NOTO: variants seen among roughly 807,000 people sequenced by gnomAD.
The protein encoded by NOTO is homeobox protein notochord.
In NOTO, 19 loss-of-function variants were observed where a neutral mutation model predicts 20.5. The observed-to-expected ratio is 0.93, with a 90% CI of 0.65 to 1.36. The LOEUF (loss-of-function observed/expected upper bound fraction) is 1.36, where lower values mean the gene tolerates loss of function less well. Ranked by LOEUF, NOTO falls within the 40% of genes most tolerant of loss-of-function variation. NOTO has a pLI of 0.00. For synonymous variants in NOTO, 150 were observed against 150.2 expected (o/e 1.00, Z 0.01); for missense variants, 369 against 336.2 (o/e 1.10, Z -0.76).
chr2:73,211,246 C>A lies in NOTO; in HGVS notation c.*317C>A. On this transcript the variant is annotated 3_prime_UTR_variant, in exon 3 of 3. Transcript: ENST00000398468. Reference sequence around the variant, plus strand: ...AAGATGTCTGTAAAGCAATAATGTGCCATGCACAGTGCAAAGTGTGTGGTT... The same window carrying A: ...AAGATGTCTGTAAAGCAATAATGTGACATGCACAGTGCAAAGTGTGTGGTT... 3.9e-6 allele frequency: 1 copy of A among 258,304 alleles called. No individual in the cohort carries two copies. Among genetic ancestry groups the A allele is most frequent in the Non-Finnish European group, 7.4e-6 (1 of 135,990 alleles). 16.0% of individuals were successfully genotyped at this position (258,304 alleles called of 1,614,324 possible). A position where few individuals can be genotyped will look rare whatever the true frequency, so the allele number is the denominator to read the frequency against.
chr2:73,210,573 G>C (rs1686164861), intron 2 of NOTO, among the ~76,000 whole-genome samples, 198 bp from the exon 3 acceptor site: 1 of 152,228 alleles, frequency 6.6e-6, no homozygotes, highest in South Asian at 2.1e-4. Context: ...ATGGTGCTTA[G>C]CACATACTGG....
Position 73,202,647 on chromosome 2 carries a change from G to A in NOTO, c.-20G>A, listed in dbSNP as rs1686018884. ...CTCCCGAGCTCCCTTCCTTGCGTCCGTCCGGGCAACGGCCGCGTCATGCCT... is the reference window on the plus strand; with the variant it reads ...CTCCCGAGCTCCCTTCCTTGCGTCCATCCGGGCAACGGCCGCGTCATGCCT... On this transcript the variant is annotated 5_prime_UTR_variant, in exon 1 of 3. Transcript: ENST00000398468. The A allele has an allele frequency of 3.5e-6, 5 of 1,432,710 alleles. No individual in the cohort carries two copies. Among genetic ancestry groups the A allele is most frequent in the African/African-American group, 3.0e-5 (2 of 66,358 alleles). The allele number at this position is 1,432,710 out of a possible 1,614,324, so 88.7% of individuals were successfully genotyped here.
chr2:73,204,873 TTTTTTATTTTTTTA>T (rs1297906401), intron 1 of NOTO, among the ~76,000 whole-genome samples: 10 of 69,798 alleles, frequency 1.4e-4, no homozygotes, highest in African/African-American at 5.0e-4. Flanking sequence ...CCGGCTAATT[TTTTTTATTTTTTTA>T]TTTTTTTTTT....
chr2:73,210,628 A>T, intron 2 of NOTO, 143 bp from the exon 3 acceptor site: 1 of 637,218 alleles, frequency 1.6e-6, no homozygotes, highest in Non-Finnish European at 2.7e-6. Context: ...CTGGAATTGT[A>T]GAAAGGGGTG....
chr2:73,210,942 A>C lies in NOTO; in HGVS notation c.*13A>C. 6.5e-7 allele frequency: 1 copy of C among 1,546,508 alleles called. No homozygotes were observed. The highest frequency in any genetic ancestry group is 8.7e-7 in the Non-Finnish European group (1 of 1,143,580). ...AGTGGACGGCTGAAGACTGGGACAG[A>C]GGCCCTAGCCAGGCTGCCTGGACTA... On this transcript the variant is annotated 3_prime_UTR_variant, in exon 3 of 3. Coordinates refer to ENST00000398468, the MANE Select transcript of NOTO (RefSeq NM_001134462.2).
In NOTO at chr2:73,208,500, T is replaced by A. The variant is rs1340014196; in HGVS notation, c.483T>A (p.Thr161=). 28 of 1,551,368 alleles carry A rather than the reference T, an allele frequency of 1.8e-5. No individual in the cohort carries two copies. Among genetic ancestry groups the A allele is most frequent in the South Asian group, 4.8e-5 (4 of 84,056 alleles). ...AGAGACAGCAAAAGAGAGTCCGAAC[T>A]ATGTTTAACTTGGAGCAGCTGGAAG... The part of the protein sequence containing the change: ...DTERQQKRVR[T]MFNLEQLEEL... Residue 161 remains threonine, a synonymous_variant, in exon 2 of 3, where the codon ACT becomes ACA. Coordinates refer to ENST00000398468, the MANE Select transcript of NOTO (RefSeq NM_001134462.2).
chr2:73,204,214 G>A (rs1686053532), intron 1 of NOTO, among the ~76,000 whole-genome samples: 1 of 150,974 alleles, frequency 6.6e-6, no homozygotes, highest in African/African-American at 2.4e-5. Context: ...GGAGGTTGAG[G>A]TTGCATTAAG....
rs936270674 is a variant in NOTO at position 73,207,619 on chromosome 2, A to G, written c.383-781A>G. ...CCCAGGATGGAGTAGAGTGGGCTCT[A>G]TCTTGGCTCACTGCAACCTCTGCTT... On this transcript the variant is annotated intron_variant, in intron 1 of 2. Transcript: ENST00000398468. Among the ~76,000 whole-genome samples, 4 of 151,908 alleles carry G rather than the reference A, an allele frequency of 2.6e-5. No homozygotes were observed. In the South Asian group the frequency reaches 6.2e-4, roughly 24 times the overall value.
At chr2:73,208,830 G>C (rs1228796876) in intron 2 of NOTO, among the ~76,000 whole-genome samples, 1 of 152,118 alleles carries the variant, frequency 6.6e-6, no homozygotes, top group African/African-American at 2.4e-5. Context: ...TGTTAACTTA[G>C]ATTATTAGTC....
At chr2:73,210,247 C>T (rs1686160492) in intron 2 of NOTO, among the ~76,000 whole-genome samples, 1 of 152,206 alleles carries the variant, frequency 6.6e-6, no homozygotes, top group African/African-American at 2.4e-5. Flanking sequence ...GTCATCCGTG[C>T]TCTCCTCCTT....
In NOTO at chr2:73,204,870, A is replaced by ATTTTTTTTTTT. The variant is rs763001329; in HGVS notation, c.382+1830_382+1831insTTTTTTTTTTT. ...CAAGCCCCAGCACCATGCCCGGCTA[A>ATTTTTTTTTTT]TTTTTTTTATTTTTTTATTTTTTTT... On this transcript the variant is annotated intron_variant, in intron 1 of 2. Transcript: ENST00000398468. Among the ~76,000 whole-genome samples the ATTTTTTTTTTT allele has an allele frequency of 1.7e-4, 16 of 93,040 alleles. 3 individuals are homozygous for ATTTTTTTTTTT. The highest frequency in any genetic ancestry group is 2.4e-4 in the African/African-American group (4 of 16,698). 61.0% of individuals were successfully genotyped at this position (93,040 alleles called of 152,430 possible). A position where few individuals can be genotyped will look rare whatever the true frequency, so the allele number is the denominator to read the frequency against.
At position 73,202,927 on chromosome 2, in the gene NOTO, C is replaced by T; in HGVS notation, c.261C>T (p.Thr87=). 1 of 1,525,188 alleles carries T rather than the reference C, an allele frequency of 6.6e-7. No homozygotes were observed. The highest frequency in any genetic ancestry group is 8.8e-7 in the Non-Finnish European group (1 of 1,140,396). 94.5% of individuals were successfully genotyped at this position (1,525,188 alleles called of 1,614,324 possible). Residue 87 remains threonine (T), a synonymous_variant, in exon 1 of 3, where the codon ACC becomes ACT. Transcript: ENST00000398468. ...GGACCGCTGCTTCCCTGTGCGCCACCGGGGGTCTGCCCTGGGCTTGCCCGA... is the reference window on the plus strand; with the variant it reads ...GGACCGCTGCTTCCCTGTGCGCCACTGGGGGTCTGCCCTGGGCTTGCCCGA... The part of the protein sequence containing the change: ...AFWTAASLCA[T]GGLPWACPTS...
chr2:73,203,655 C>T (rs1209242110), intron 1 of NOTO, among the ~76,000 whole-genome samples: 2 of 152,190 alleles, frequency 1.3e-5, no homozygotes, highest in Non-Finnish European at 1.5e-5. Flanking sequence ...GGGCCAGGCA[C>T]TTAAATCTCA....
At chr2:73,203,955 C>G (rs531027519) in intron 1 of NOTO, among the ~76,000 whole-genome samples, 2 of 131,024 alleles carry the variant, frequency 1.5e-5, no homozygotes, top group Non-Finnish European at 3.2e-5. Flanking sequence ...AAAAATTAGC[C>G]GGGCATGGTG....
Position 73,202,633 on chromosome 2 carries a change from C to G in NOTO, c.-34C>G. The G allele has an allele frequency of 6.3e-6, 9 of 1,425,140 alleles. No homozygotes were observed. The highest frequency in any genetic ancestry group is 8.2e-6 in the Non-Finnish European group (9 of 1,098,462). 88.3% of individuals were successfully genotyped at this position (1,425,140 alleles called of 1,614,324 possible). A position where few individuals can be genotyped will look rare whatever the true frequency, so the allele number is the denominator to read the frequency against. On this transcript the variant is annotated 5_prime_UTR_variant, in exon 1 of 3. Transcript: ENST00000398468. ...GAATCTTCTCACTTCTCCCGAGCTC[C>G]CTTCCTTGCGTCCGTCCGGGCAACG...
intron 1 of NOTO, among the ~76,000 whole-genome samples, chr2:73,206,186 G>A (rs1055669948): frequency 6.6e-6 from 1 of 152,034 alleles, no homozygotes; most frequent in Non-Finnish European, 1.5e-5. Context: ...TATTGGGTAT[G>A]GATCCAGCTT....
chr2:73,207,877 C>T (rs776915412), intron 1 of NOTO, among the ~76,000 whole-genome samples: 1 of 152,208 alleles, frequency 6.6e-6, no homozygotes, highest in Admixed American at 6.5e-5. Context: ...TTTGTATCCT[C>T]AGCTCAACCC....
Position 73,209,340 on chromosome 2 carries a change from G to A in NOTO, c.597+726G>A, listed in dbSNP as rs187467750. ...ACAACTTGCCATGTTCACTTTGTCC[G>A]TGTCCTCGCCTCCCACTCACTGCTT... On this transcript the variant is annotated intron_variant, in intron 2 of 2. Transcript: ENST00000398468. 6.9e-4 allele frequency among the ~76,000 whole-genome samples: 105 copies of A among 151,920 alleles called. 1 individual carries two copies. In the East Asian group the frequency reaches 0.018, roughly 26 times the overall value.
At chr2:73,208,675 AG>A (rs1686125649) in intron 2 of NOTO, 61 bp downstream of exon 2, 1 of 1,069,022 alleles carries the variant, frequency 9.4e-7, no homozygotes, top group South Asian at 1.4e-5. Context: ...TACCTCAGCA[AG>A]GCCCTAAAAG....
Sources: gnomAD v4.1 joint callset for allele counts (sites outside exome capture counted in the v4.1 genomes callset) on GRCh38, gnomAD v4.1.1 for gene constraint, MANE v1.5 for transcripts, NCBI Gene and HGNC (gene_info 2026-07-23, HGNC 2026-07-21) for gene names.